The following RANBP17 variants were observed in gnomAD, a reference collection of about 807,000 sequenced individuals.
RANBP17 encodes RAN binding protein 17, also known as ran-binding protein 17.
Under a neutral mutation model 141.2 loss-of-function variants are expected in RANBP17, and 158 were observed. The ratio of observed to expected loss-of-function variants is 1.12; its 90% CI spans 0.98 to 1.28. The LOEUF (loss-of-function observed/expected upper bound fraction) is 1.28. Among genes scored for constraint, RANBP17 ranks in the 50% most tolerant of loss-of-function variants. RANBP17 has a pLI of 0.00. For synonymous variants in RANBP17, 430 were observed against 450.0 expected, an observed-to-expected ratio of 0.96 and a Z score of 0.56; for missense variants, 1,438 against 1,290.7, an observed-to-expected ratio of 1.11 and a Z score of -1.75.
intron 20 of RANBP17, among the ~76,000 whole-genome samples, chr5:171,209,214 G>A (rs902457563): frequency 6.6e-5 from 10 of 152,082 alleles, no homozygotes; most frequent in African/African-American, 2.2e-4. Flanking sequence ...ACAGGTTTTC[G>A]GTTGGCCTAG....
chr5:171,136,066 C>T (rs1332931737), intron 14 of RANBP17, among the ~76,000 whole-genome samples: 2 of 152,194 alleles, frequency 1.3e-5, no homozygotes, highest in African/African-American at 4.8e-5. Context: ...ATTTTCTTTT[C>T]ATGCATTTAT....
At chr5:171,074,865 C>G (rs980944701) in intron 14 of RANBP17, among the ~76,000 whole-genome samples, 43 of 152,194 alleles carry the variant, frequency 2.8e-4, no homozygotes, top group Admixed American at 1.2e-3. Context: ...ACTTTGTGTT[C>G]TAAAAGGAAG....
At chr5:170,938,345 C>T (rs542252878) in intron 12 of RANBP17, among the ~76,000 whole-genome samples, 3 of 152,272 alleles carry the variant, frequency 2.0e-5, no homozygotes, top group Admixed American at 6.5e-5. Context: ...AAGGATCAAC[C>T]ATAATTTAGG....
intron 14 of RANBP17, among the ~76,000 whole-genome samples, chr5:170,997,636 C>T (rs1269193795): frequency 6.6e-6 from 1 of 152,140 alleles, no homozygotes; most frequent in Non-Finnish European, 1.5e-5. Flanking sequence ...TGTGTAATTC[C>T]AAACTGTTAG....
chr5:170,996,025 A>G (rs1355285561), intron 14 of RANBP17, among the ~76,000 whole-genome samples: 1 of 152,046 alleles, frequency 6.6e-6, no homozygotes, highest in Non-Finnish European at 1.5e-5. Context: ...AACATAGGAG[A>G]AATTGTCTCT....
At chr5:171,174,659 C>T (rs970465865) in intron 16 of RANBP17, among the ~76,000 whole-genome samples, 2 of 151,742 alleles carry the variant, frequency 1.3e-5, no homozygotes, top group African/African-American at 4.8e-5. Flanking sequence ...ACTTGGGTTT[C>T]AGAAAGGAAA....
intron 14 of RANBP17, among the ~76,000 whole-genome samples, chr5:171,112,838 A>T (rs1160664706): frequency 6.6e-6 from 1 of 152,090 alleles, no homozygotes; most frequent in Non-Finnish European, 1.5e-5. Flanking sequence ...GTGAGGAATT[A>T]AACAAAGCTC....
At chr5:170,881,023 A>C (rs1768621145) in intron 2 of RANBP17, among the ~76,000 whole-genome samples, 1 of 152,246 alleles carries the variant, frequency 6.6e-6, no homozygotes, top group Non-Finnish European at 1.5e-5. Flanking sequence ...TGTGTAAATG[A>C]ATGAGCATGG....
At chr5:171,202,665 A>T (rs1015584580) in intron 19 of RANBP17, among the ~76,000 whole-genome samples, 8 of 152,126 alleles carry the variant, frequency 5.3e-5, no homozygotes, top group African/African-American at 1.9e-4. Context: ...GCAGATGAAA[A>T]CACTCCAGTT....
intron 3 of RANBP17, among the ~76,000 whole-genome samples, chr5:170,882,875 GTAA>G (rs1768830990): frequency 6.6e-6 from 1 of 152,124 alleles, no homozygotes; most frequent in Non-Finnish European, 1.5e-5. Context: ...GGACAAAATT[GTAA>G]TAATTGAGGT....
intron 12 of RANBP17, among the ~76,000 whole-genome samples, chr5:170,951,222 G>T (rs1348338137): frequency 6.6e-6 from 1 of 151,994 alleles, no homozygotes. Context: ...TAGAAGGCAG[G>T]ATTTGAATTA....
chr5:171,047,592 CA>C (rs1782679852), intron 14 of RANBP17, among the ~76,000 whole-genome samples: 1 of 151,684 alleles, frequency 6.6e-6, no homozygotes, highest in Non-Finnish European at 1.5e-5. Context: ...AGGCGCATGC[CA>C]CCACATCAGC....
intron 14 of RANBP17, among the ~76,000 whole-genome samples, chr5:171,068,259 T>G (rs1784426657): frequency 6.6e-6 from 1 of 152,178 alleles, no homozygotes; most frequent in South Asian, 2.1e-4. Context: ...TGGTTAATTT[T>G]ATAACTTCTA....
intron 14 of RANBP17, among the ~76,000 whole-genome samples, chr5:171,020,196 T>C (rs1780752110): frequency 6.6e-6 from 1 of 152,162 alleles, no homozygotes; most frequent in Non-Finnish European, 1.5e-5. Context: ...ATTATGTGAT[T>C]GATTTCAGAG....
At chr5:171,048,804 C>G (rs1782762228) in intron 14 of RANBP17, among the ~76,000 whole-genome samples, 1 of 152,120 alleles carries the variant, frequency 6.6e-6, no homozygotes, top group Non-Finnish European at 1.5e-5. Flanking sequence ...CTGCAGAGGG[C>G]ATAATCTCAT....
chr5:170,880,601 T>C (rs1768578154), intron 2 of RANBP17, among the ~76,000 whole-genome samples: 1 of 152,198 alleles, frequency 6.6e-6, no homozygotes, highest in Non-Finnish European at 1.5e-5. Context: ...ACTTTTGATT[T>C]CCTGAGTTGG....
At chr5:170,902,119 C>T (rs1350363096) in intron 5 of RANBP17, among the ~76,000 whole-genome samples, 2 of 152,144 alleles carry the variant, frequency 1.3e-5, no homozygotes, top group African/African-American at 4.8e-5. Flanking sequence ...AGTGTGTTTT[C>T]CAACTTGGTT....
Position 170,953,614 on chromosome 5 carries a change from G to A in RANBP17, c.1486G>A (p.Val496Ile). 1 of 1,609,280 alleles carries A rather than the reference G, an allele frequency of 6.2e-7. No individual in the cohort carries two copies. Among genetic ancestry groups the A allele is most frequent in the South Asian group, 1.1e-5 (1 of 90,728 alleles). Reference sequence around the variant, plus strand: ...TATATTAGGACGTCTTGCATGGCTGGTATACTTAGTTGGGACAGTTGTAGG... The same window carrying A: ...TATATTAGGACGTCTTGCATGGCTGATATACTTAGTTGGGACAGTTGTAGG... Reference protein sequence around the residue: ...TIQEGRLAWLVYLVGTVVGGR... With the variant: ...TIQEGRLAWLIYLVGTVVGGR... The change falls in exon 13 of 28, where the codon GTA (valine) becomes ATA (isoleucine). Residue 496 changes from valine to isoleucine, a missense_variant. Val to Ile is a conservative substitution (Grantham distance 29, BLOSUM62 3). Transcript: ENST00000523189.
intron 14 of RANBP17, among the ~76,000 whole-genome samples, chr5:171,055,188 G>C (rs1420815432): frequency 1.3e-5 from 2 of 152,256 alleles, no homozygotes; most frequent in East Asian, 3.9e-4. Flanking sequence ...GCTGATTCCT[G>C]TTTGTCCAGA....
Sources: gnomAD v4.1 joint callset for allele counts (sites outside exome capture counted in the v4.1 genomes callset) on GRCh38, gnomAD v4.1.1 for gene constraint, MANE v1.5 for transcripts, NCBI Gene and HGNC (gene_info 2026-07-23, HGNC 2026-07-21) for gene names.